Variants in CDHR4 observed in about 807,000 individuals in gnomAD.
CDHR4 encodes the protein cadherin related family member 4, also known as cadherin-related family member 4.
In CDHR4, 89 loss-of-function variants were observed where a neutral mutation model predicts 88.4. The observed-to-expected ratio is 1.01, with a 90% CI of 0.85 to 1.20. The LOEUF (loss-of-function observed/expected upper bound fraction) is 1.20. Ranked by LOEUF, CDHR4 falls within the 50% of genes most tolerant of loss-of-function variation. CDHR4 has a pLI of 0.00. For missense variants in CDHR4, 914 were observed against 1,007.2 expected (o/e 0.91, Z 1.25); for synonymous variants, 368 against 399.2 (o/e 0.92, Z 0.93).
rs2081255417 is a variant in CDHR4 at position 49,795,381 on chromosome 3, T to A, written c.848-2A>T. ...TGGTGGTCCGGACCACACCGTCTGC[T>A]GCATGGGGTGAGAGAACACAGAGGT... On this transcript the variant is annotated splice_acceptor_variant, in intron 7 of 18. Transcript: ENST00000412678. LOFTEE classifies it high-confidence loss of function. This position sits in a 1 kb window ranked among gnomAD's most constrained non-coding sequence, Gnocchi z 5.4. The A allele has an allele frequency of 6.5e-7, 1 of 1,549,730 alleles. No homozygotes were observed. Among genetic ancestry groups the A allele is most frequent in the South Asian group, 1.2e-5 (1 of 84,002 alleles).
chr3:49,797,342 G>A (rs1305689818), intron 4 of CDHR4, among the ~76,000 whole-genome samples: 1 of 149,950 alleles, frequency 6.7e-6, no homozygotes, highest in African/African-American at 2.5e-5. Context: ...GCAGTGGTGC[G>A]ATCTCAGCTC....
intron 11 of CDHR4, 24 bp downstream of exon 11, chr3:49,793,779 A>T (rs1426660776): frequency 1.9e-6 from 3 of 1,551,640 alleles, no homozygotes; most frequent in Non-Finnish European, 2.6e-6. Flanking sequence ...CCCTGTTTCC[A>T]TCCCAGCCCT....
At position 49,795,015 on chromosome 3, in the gene CDHR4, C is replaced by G; in HGVS notation, c.1117G>C (p.Asp373His). ...GAGCTGCGGAACCACAGCTTGTAGT[C>G]CAGGGTGGCACCAACAGAGTCCGGA... The part of the protein sequence containing the change: ...EDPDSVGATL[D>H]YKLWFRSSSN... Residue 373 changes from aspartate to histidine, a missense_variant, in exon 9 of 19, where the codon GAC becomes CAC. By Grantham distance (81) the Asp-to-His change is moderately conservative (BLOSUM62 -1). Transcript: ENST00000412678. The surrounding 1 kb of genome is among the most constrained non-coding windows in gnomAD (Gnocchi z 5.4). The G allele has an allele frequency of 6.4e-7, 1 of 1,551,634 alleles. No homozygotes were observed. Among genetic ancestry groups the G allele is most frequent in the East Asian group, 2.4e-5 (1 of 40,920 alleles).
upstream of CDHR4, among the ~76,000 whole-genome samples, chr3:49,802,582 G>A (rs528130658): frequency 1.1e-4 from 17 of 152,218 alleles, no homozygotes; most frequent in Non-Finnish European, 2.1e-4. Flanking sequence ...TTGCTGGTAT[G>A]TCCAGTCTGT....
At position 49,798,875 on chromosome 3, in the gene CDHR4, G is replaced by A. The variant is rs778835850; in HGVS notation, c.446C>T (p.Ala149Val). 9.3e-6 allele frequency: 15 copies of A among 1,613,814 alleles called. No homozygotes were observed. Among genetic ancestry groups the A allele is most frequent in the Non-Finnish European group, 1.7e-6 (2 of 1,179,878 alleles). The change falls in exon 4 of 19, where the codon GCT becomes GTT. Residue 149 changes from alanine (A) to valine (V), a missense_variant. By Grantham distance (64) the Ala-to-Val change is moderately conservative (BLOSUM62 0). Transcript: ENST00000412678. The stretch of plus-strand genomic sequence containing the variant: ...TGGGAGGAGCAGAGTGTACAGCCGA[G>A]CCCCAGGTGTGACTGTCTCTGGCAC... ...IQVPETVTPG[A>V]RLYTLLLPGL... is the part of the protein sequence containing the mutation.
chr3:49,798,722 GC>G, intron 4 of CDHR4, 103 bp downstream of exon 4: 1 of 1,093,420 alleles, frequency 9.1e-7, no homozygotes, highest in Non-Finnish European at 1.3e-6. Context: ...TGCCTCTGCT[GC>G]AAGGTTCCTC....
chr3:49,798,969 C>T, intron 3 of CDHR4, 25 bp downstream of exon 3: 1 of 1,611,080 alleles, frequency 6.2e-7, no homozygotes, highest in South Asian at 1.1e-5. Context: ...CCTGCCCCCA[C>T]CCTGCCGGCT....
chr3:49,793,471 A>G (rs1575343609), intron 12 of CDHR4, 112 bp downstream of exon 12: 1 of 1,476,148 alleles, frequency 6.8e-7, no homozygotes, highest in Admixed American at 2.2e-5. Flanking sequence ...ACTCTTCTCC[A>G]GCCAACTCGT....
intron 1 of CDHR4, 123 bp downstream of exon 1, chr3:49,799,641 C>G: frequency 8.7e-7 from 1 of 1,144,640 alleles, no homozygotes; most frequent in Admixed American, 2.3e-5. Flanking sequence ...GGGTGAGGGC[C>G]AGGGGTTCAG....
rs750656152 is a variant in CDHR4 at position 49,795,630 on chromosome 3, C to T, written c.845G>A (p.Arg282His). ...PVPSPLFSIGRADGVVRTTTP... is the reference protein window; with the variant it reads ...PVPSPLFSIGHADGVVRTTTP... ...CCCCACCCCCCAACACCTCTCACCA[C>T]GACCAATGGAGAAGAGTGGGCTGGG... is the stretch of plus-strand genomic sequence containing the variant. Residue 282 changes from arginine (R) to histidine (H), a missense_variant and splice_region_variant, in exon 7 of 19, where the codon CGT becomes CAT. By Grantham distance (29) the Arg-to-His change is conservative. Coordinates refer to ENST00000412678, the MANE Select transcript of CDHR4 (RefSeq NM_001007540.4). The surrounding 1 kb of genome is among the most constrained non-coding windows in gnomAD (Gnocchi z 5.4). 26 of 1,551,572 alleles carry T rather than the reference C, an allele frequency of 1.7e-5. No homozygotes were observed. Among genetic ancestry groups the T allele is most frequent in the South Asian group, 1.7e-4 (14 of 84,050 alleles).
intron 4 of CDHR4, 25 bp downstream of exon 4, chr3:49,798,801 C>T (rs1244333919): frequency 7.5e-6 from 12 of 1,608,780 alleles, no homozygotes; most frequent in Non-Finnish European, 1.0e-5. Flanking sequence ...ATCCTGTCAC[C>T]CACCGTCCCA....
In CDHR4 at chr3:49,795,277, C is replaced by T. The variant is rs1272071983; in HGVS notation, c.950G>A (p.Trp317Ter). The change falls in exon 8 of 19, where the codon TGG becomes TAG. Residue 317 changes from tryptophan to a stop codon, truncating the protein, a stop_gained. Transcript: ENST00000412678. LOFTEE classifies it high-confidence loss of function. The surrounding 1 kb of genome is among the most constrained non-coding windows in gnomAD (Gnocchi z 5.4). The stretch of plus-strand genomic sequence containing the variant: ...GGTGAGATTGAGCTTGGCACTGGCC[C>T]ACAGCTGGCCCTGCTCAAAGGCCTT... ...QVKAFEQGQL[W>*]ASAKLNLTMN... The T allele has an allele frequency of 4.5e-6, 7 of 1,551,660 alleles. No individual in the cohort carries two copies. Among genetic ancestry groups the T allele is most frequent in the East Asian group, 2.4e-5 (1 of 40,920 alleles).
chr3:49,793,455 G>T, intron 12 of CDHR4, 128 bp downstream of exon 12: 1 of 1,454,386 alleles, frequency 6.9e-7, no homozygotes, highest in Non-Finnish European at 9.2e-7. Flanking sequence ...CTTTCAATTA[G>T]GCCCCACTCT....
chr3:49,792,679 T>C, intron 14 of CDHR4, 69 bp from the exon 15 acceptor site: 1 of 1,534,962 alleles, frequency 6.5e-7, no homozygotes, highest in Non-Finnish European at 8.8e-7. Flanking sequence ...TTCCAACCCT[T>C]CCCCGGGCTA....
At chr3:49,791,580 G>A in intron 17 of CDHR4, 112 bp from the exon 18 acceptor site, 2 of 1,469,190 alleles carry the variant, frequency 1.4e-6, no homozygotes, top group East Asian at 2.5e-5. Flanking sequence ...CCATTCTGAT[G>A]GTGCTAGTGT....
upstream of CDHR4, among the ~76,000 whole-genome samples, chr3:49,800,448 G>A (rs987172730): frequency 6.6e-6 from 1 of 151,824 alleles, no homozygotes; most frequent in Non-Finnish European, 1.5e-5. Context: ...AACCCCAAGA[G>A]ATCGAGGCTG....
intron 10 of CDHR4, among the ~76,000 whole-genome samples, chr3:49,794,301 G>A (rs1281827010): frequency 6.6e-6 from 1 of 152,174 alleles, no homozygotes; most frequent in East Asian, 1.9e-4. Context: ...TGGAGGCTGA[G>A]GCAGGAGAAT....
At chr3:49,794,051 C>A in intron 10 of CDHR4, 45 bp from the exon 11 acceptor site, 1 of 1,534,200 alleles carries the variant, frequency 6.5e-7, no homozygotes. Flanking sequence ...GGGTAACTAT[C>A]CCTGAACTGG....
intron 1 of CDHR4, 87 bp downstream of exon 1, chr3:49,799,677 C>A: frequency 6.9e-7 from 1 of 1,445,832 alleles, no homozygotes; most frequent in Non-Finnish European, 9.6e-7. Flanking sequence ...TACCTCTCCC[C>A]CAATCCCTGT....
Sources: allele counts gnomAD v4.1 joint callset (sites outside exome capture counted in the v4.1 genomes callset), GRCh38; gene constraint gnomAD v4.1.1; non-coding constraint Gnocchi (gnomAD v3.1); transcripts MANE v1.5; gene names NCBI Gene and HGNC (gene_info 2026-07-23, HGNC 2026-07-21).